CSNK1G1: variants seen among roughly 807,000 people sequenced by gnomAD.
CSNK1G1 encodes the protein casein kinase 1 gamma 1.
CSNK1G1 carries 22 observed loss-of-function variants against 59.6 expected under a neutral mutation model. That is an observed-to-expected ratio of 0.37 (90% CI 0.26 to 0.53). The LOEUF is 0.53. CSNK1G1 is among the 20% of genes least tolerant of loss of function. The probability of loss-of-function intolerance (pLI) is 0.89; values close to 1 mark genes in which losing one functional copy is unlikely to be tolerated. For missense variants in CSNK1G1, 384 were observed against 519.5 expected, an observed-to-expected ratio of 0.74 and a Z score of 2.54; for synonymous variants, 179 against 177.1, an observed-to-expected ratio of 1.01 and a Z score of -0.08.
At position 64,203,113 on chromosome 15, in the gene CSNK1G1, C is replaced by A; in HGVS notation, c.1076G>T (p.Arg359Leu). ...TCGAAGAGGCTGCTGTTGTGATGGC[C>A]GATCCCTATGTGTGTGGCTTTCTCG... ...ITRESHTHRD[R>L]PSQQQPLRNQ... The change falls in exon 10 of 12, where the codon CGG becomes CTG. Residue 359 changes from arginine to leucine, a missense_variant. Transcript: ENST00000303052. 6.2e-7 allele frequency: 1 copy of A among 1,613,948 alleles called. No individual in the cohort carries two copies. Among genetic ancestry groups the A allele is most frequent in the Non-Finnish European group, 8.5e-7 (1 of 1,179,864 alleles).
At chr15:64,229,018 C>CAA (rs1218085247) in intron 4 of CSNK1G1, among the ~76,000 whole-genome samples, 4,095 of 65,690 alleles carry the variant, frequency 0.062, 106 homozygotes, top group South Asian at 0.09. Flanking sequence ...GACTCTGTCT[C>CAA]AAAAAAAAAA....
intron 1 of CSNK1G1, among the ~76,000 whole-genome samples, chr15:64,311,677 G>GAAAAAAAAA (rs11371950): frequency 9.2e-6 from 1 of 108,156 alleles, no homozygotes; most frequent in Non-Finnish European, 1.8e-5. Flanking sequence ...TAAAAAAAGT[G>GAAAAAAAAA]AAAAAAAAAA....
chr15:64,337,064 C>T (rs1266409324), intron 1 of CSNK1G1, among the ~76,000 whole-genome samples: 5 of 151,894 alleles, frequency 3.3e-5, no homozygotes, highest in Non-Finnish European at 5.9e-5. Flanking sequence ...CCCATCTCTA[C>T]TAAAAATACA....
At chr15:64,263,521 T>G (rs1049245113) in intron 2 of CSNK1G1, among the ~76,000 whole-genome samples, 1 of 152,196 alleles carries the variant, frequency 6.6e-6, no homozygotes, top group African/African-American at 2.4e-5. Context: ...TTTCCTGCAT[T>G]TAGCTGGGCA....
In CSNK1G1 at chr15:64,171,494, T is replaced by C. The variant is rs80071982; in HGVS notation, c.*437A>G. ...CATTTTCCTCCTACCTTCTTGGCCT[T>C]ACCCCCAGCCTCTTGATCTCCTTCT... On this transcript the variant is annotated 3_prime_UTR_variant, in exon 12 of 12. Transcript: ENST00000303052. This position sits in a 1 kb window ranked among gnomAD's most constrained non-coding sequence, Gnocchi z 4.8. The C allele has an allele frequency of 0.014, 2,361 of 165,022 alleles. 46 individuals are homozygous for C. Among genetic ancestry groups the C allele is most frequent in the African/African-American group, 0.054 (2,276 of 41,774 alleles). The allele number at this position is 165,022 out of a possible 1,614,324, so 10.2% of individuals were successfully genotyped here. A position where few individuals can be genotyped will look rare whatever the true frequency, so the allele number is the denominator to read the frequency against.
chr15:64,287,051 T>C (rs1894465348), intron 2 of CSNK1G1, among the ~76,000 whole-genome samples: 1 of 152,198 alleles, frequency 6.6e-6, no homozygotes. Flanking sequence ...ATGTCTTTTG[T>C]AACTATTTTT....
At chr15:64,258,393 A>AG (rs1892510221) in intron 3 of CSNK1G1, among the ~76,000 whole-genome samples, 1 of 151,506 alleles carries the variant, frequency 6.6e-6, no homozygotes, top group African/African-American at 2.4e-5. Flanking sequence ...CAAAAAAAAA[A>AG]AAATAAAGAA....
chr15:64,297,254 C>G lies in CSNK1G1; in HGVS notation c.181+3065G>C, dbSNP rs111738328. Among the ~76,000 whole-genome samples, 1,051 of 151,990 alleles carry G rather than the reference C, an allele frequency of 6.9e-3. 11 individuals are homozygous for G. Among genetic ancestry groups the G allele is most frequent in the African/African-American group, 0.017 (708 of 41,456 alleles). ...CAGGATGTGCTAGAGAAGAAACGTG[C>G]TATTTTAAATGAGAATGAGGAACAA... On this transcript the variant is annotated intron_variant, in intron 2 of 11. Coordinates refer to ENST00000303052, the MANE Select transcript of CSNK1G1 (RefSeq NM_022048.5).
rs905587930 is a variant in CSNK1G1, at chr15:64,284,959, C to T, written c.181+15360G>A. 3.7e-4 allele frequency among the ~76,000 whole-genome samples: 56 copies of T among 152,044 alleles called. 1 individual carries two copies. Among genetic ancestry groups the T allele is most frequent in the African/African-American group, 1.2e-3 (49 of 41,500 alleles). On this transcript the variant is annotated intron_variant, in intron 2 of 11. Coordinates refer to ENST00000303052, the MANE Select transcript of CSNK1G1 (RefSeq NM_022048.5). ...AAAAATTCCACATTTAGCCTTGACT[C>T]CTCAATACAAATATTTTAGAGTAGA...
In CSNK1G1 at chr15:64,222,388, G is replaced by GT. The variant is rs2082399470; in HGVS notation, c.293-5676dup. 6.1e-5 allele frequency among the ~76,000 whole-genome samples: 8 copies of GT among 130,896 alleles called. 1 individual carries two copies. In the South Asian group the frequency reaches 1.0e-3, roughly 17 times the overall value. The allele number at this position is 130,896 out of a possible 152,430, so 85.9% of individuals were successfully genotyped here. A position where few individuals can be genotyped will look rare whatever the true frequency, so the allele number is the denominator to read the frequency against. On this transcript the variant is annotated intron_variant, in intron 4 of 11. Coordinates refer to ENST00000303052, the MANE Select transcript of CSNK1G1 (RefSeq NM_022048.5). ...CCTGCACATTCTGCACATGTATCCC[G>GT]TTTTTTTTCTCCTTAGAAGAAATAA...
chr15:64,286,386 T>TTGTTAACA (rs1894424022), intron 2 of CSNK1G1, among the ~76,000 whole-genome samples: 3 of 143,592 alleles, frequency 2.1e-5, no homozygotes, highest in African/African-American at 8.4e-5. Context: ...TTGTTAACAA[T>TTGTTAACA]ATATTGTTAA....
intron 2 of CSNK1G1, among the ~76,000 whole-genome samples, chr15:64,286,769 T>A (rs1894446046): frequency 6.6e-6 from 1 of 152,166 alleles, no homozygotes; most frequent in Non-Finnish European, 1.5e-5. Flanking sequence ...GTTTATAACA[T>A]CCTCCACTTT....
chr15:64,173,366 A>C (rs753162439), intron 11 of CSNK1G1, among the ~76,000 whole-genome samples: 2 of 152,184 alleles, frequency 1.3e-5, no homozygotes, highest in East Asian at 3.9e-4. Flanking sequence ...CAAACATGAA[A>C]ATTTTAGAAA....
intron 1 of CSNK1G1, among the ~76,000 whole-genome samples, chr15:64,353,283 G>A (rs1286370393): frequency 6.6e-6 from 1 of 152,054 alleles, no homozygotes; most frequent in Non-Finnish European, 1.5e-5. Context: ...AGCAAACTAC[G>A]TTAGCTGAAA....
chr15:64,198,666 T>C (rs1006322775), intron 10 of CSNK1G1, among the ~76,000 whole-genome samples: 2 of 151,778 alleles, frequency 1.3e-5, no homozygotes, highest in African/African-American at 4.8e-5. Context: ...GGAATTAGTC[T>C]AGAAAATCAT....
chr15:64,252,234 G>T (rs1018457660), intron 3 of CSNK1G1, among the ~76,000 whole-genome samples: 1 of 151,626 alleles, frequency 6.6e-6, no homozygotes, highest in Non-Finnish European at 1.5e-5. Flanking sequence ...TTCCCATGGC[G>T]GTAAATAAAC....
chr15:64,216,776 C>G lies in CSNK1G1; in HGVS notation c.293-63G>C, dbSNP rs2082317100. On this transcript the variant is annotated intron_variant, in intron 4 of 11. Transcript: ENST00000303052. The surrounding 1 kb of genome is among the most constrained non-coding windows in gnomAD (Gnocchi z 4.6). ...ACACAAAAGCCAAAATATGAGATAA[C>G]AGTATTAGCACTGAATAAAATATTT... is the stretch of plus-strand genomic sequence containing the variant. 1 of 1,413,058 alleles carries G rather than the reference C, an allele frequency of 7.1e-7. No homozygotes were observed. The highest frequency in any genetic ancestry group is 9.9e-7 in the Non-Finnish European group (1 of 1,006,762). The allele number at this position is 1,413,058 out of a possible 1,614,324, so 87.5% of individuals were successfully genotyped here.
chr15:64,275,145 A>AATTCT (rs1240716253), intron 2 of CSNK1G1, among the ~76,000 whole-genome samples: 2 of 152,056 alleles, frequency 1.3e-5, no homozygotes, highest in Non-Finnish European at 2.9e-5. Context: ...AGGTTCAAGC[A>AATTCT]ATTCTCCTGC....
intron 1 of CSNK1G1, among the ~76,000 whole-genome samples, chr15:64,354,608 AT>A (rs201088366): frequency 2.6e-5 from 4 of 151,174 alleles, no homozygotes; most frequent in Non-Finnish European, 4.4e-5. Context: ...TATTGTATGC[AT>A]TTTTTTTTCA....
Sources: gnomAD v4.1 joint callset for allele counts (sites outside exome capture counted in the v4.1 genomes callset) on GRCh38, gnomAD v4.1.1 for gene constraint, Gnocchi (gnomAD v3.1) non-coding constraint, MANE v1.5 for transcripts, NCBI Gene and HGNC (gene_info 2026-07-23, HGNC 2026-07-21) for gene names.